The following SYNPR variants were observed in gnomAD, a reference collection of about 807,000 sequenced individuals.
SYNPR encodes the protein synaptoporin.
A neutral mutation model predicts 32.9 loss-of-function variants in SYNPR; 23 were observed. That is an observed-to-expected ratio of 0.70 (90% CI 0.50 to 0.99). The LOEUF is 0.99. Among genes scored for constraint, SYNPR ranks in the 50% least tolerant of loss-of-function variants. The pLI, the probability that SYNPR is intolerant of heterozygous loss-of-function variation, is 0.00. For missense variants in SYNPR, 318 were observed against 349.3 expected, an observed-to-expected ratio of 0.91 and a Z score of 0.71; for synonymous variants, 146 against 135.9, an observed-to-expected ratio of 1.07 and a Z score of -0.52.
chr3:63,324,136 C>CA (rs1277476918), intron 2 of SYNPR, among the ~76,000 whole-genome samples: 1 of 152,064 alleles, frequency 6.6e-6, no homozygotes, highest in Non-Finnish European at 1.5e-5. Flanking sequence ...ATTTTCAGTG[C>CA]AAAGGTACTA....
chr3:63,334,839 G>A (rs558623624), intron 2 of SYNPR, among the ~76,000 whole-genome samples: 1 of 152,068 alleles, frequency 6.6e-6, no homozygotes, highest in South Asian at 2.1e-4. Context: ...TTTCAATAGC[G>A]AAAACTGCAA....
chr3:63,265,137 T>C (rs72878285), intron 2 of SYNPR, among the ~76,000 whole-genome samples: 11,927 of 152,060 alleles, frequency 0.078, 1,341 homozygotes, highest in African/African-American at 0.25. Flanking sequence ...TTGAACACAT[T>C]TCTTCCAAGA....
chr3:63,431,456 T>C lies in SYNPR; in HGVS notation c.85-49376T>C, dbSNP rs142144351. Among the ~76,000 whole-genome samples, 1,447 of 152,292 alleles carry C rather than the reference T, an allele frequency of 9.5e-3. 23 individuals carry two copies. The highest frequency in any genetic ancestry group is 0.033 in the African/African-American group (1,370 of 41,550). ...TTATCACCTCTCACTTGCAAAATAT[T>C]GGGTTAAGAGAACAGACAAACATGA... On this transcript the variant is annotated intron_variant, in intron 2 of 5. Transcript: ENST00000478300.
chr3:63,565,462 T>G (rs985497315), intron 4 of SYNPR, among the ~76,000 whole-genome samples: 2 of 152,166 alleles, frequency 1.3e-5, no homozygotes, highest in Admixed American at 1.3e-4. Flanking sequence ...TACTGCGTCC[T>G]CACGTGGTAG....
chr3:63,231,121 A>G (rs1370486330), intron 1 of SYNPR, among the ~76,000 whole-genome samples: 1 of 152,234 alleles, frequency 6.6e-6, no homozygotes, highest in Non-Finnish European at 1.5e-5. Context: ...CAACAAGTGG[A>G]TAAAGGAAAT....
At chr3:63,362,884 G>T (rs187799053) in intron 2 of SYNPR, among the ~76,000 whole-genome samples, 23 of 152,122 alleles carry the variant, frequency 1.5e-4, no homozygotes, top group Middle Eastern at 3.4e-3. Context: ...TCTTTTACTA[G>T]ACATATAATA....
At chr3:63,457,332 A>C (rs72885455) in intron 2 of SYNPR, among the ~76,000 whole-genome samples, 4,293 of 152,194 alleles carry the variant, frequency 0.028, 164 homozygotes, top group East Asian at 0.13. Flanking sequence ...TATTGAATTT[A>C]GATTTCCACT....
At chr3:63,501,072 A>T (rs1250594730) in intron 3 of SYNPR, among the ~76,000 whole-genome samples, 4 of 152,130 alleles carry the variant, frequency 2.6e-5, no homozygotes, top group African/African-American at 9.7e-5. Context: ...GTAAAAAAAA[A>T]TAGCCATTAT....
intron 3 of SYNPR, among the ~76,000 whole-genome samples, chr3:63,507,533 A>T (rs1249101194): frequency 1.3e-5 from 2 of 152,176 alleles, no homozygotes; most frequent in Non-Finnish European, 2.9e-5. Flanking sequence ...GAAATTAGGG[A>T]CTGTCACAGA....
At chr3:63,535,703 G>T (rs889166962) in intron 3 of SYNPR, among the ~76,000 whole-genome samples, 7 of 150,726 alleles carry the variant, frequency 4.6e-5, no homozygotes, top group African/African-American at 1.5e-4. Flanking sequence ...TTCAACAAAA[G>T]GTGCTGAGAC....
At chr3:63,571,034 C>T (rs1702876710) in intron 4 of SYNPR, among the ~76,000 whole-genome samples, 1 of 152,170 alleles carries the variant, frequency 6.6e-6, no homozygotes, top group Non-Finnish European at 1.5e-5. Context: ...TGGAGGTACC[C>T]ATCATGACTG....
At chr3:63,250,953 T>C (rs2086326417) in intron 1 of SYNPR, among the ~76,000 whole-genome samples, 1 of 152,102 alleles carries the variant, frequency 6.6e-6, no homozygotes, top group Non-Finnish European at 1.5e-5. Flanking sequence ...TGATAAAGAC[T>C]TAAAAGTAAA....
intron 1 of SYNPR, among the ~76,000 whole-genome samples, chr3:63,251,367 A>G (rs1459392522): frequency 2.0e-5 from 3 of 152,166 alleles, no homozygotes; most frequent in Non-Finnish European, 2.9e-5. Flanking sequence ...GTTAGAAGGA[A>G]AGCATATATG....
chr3:63,314,497 G>A (rs1280535488), intron 2 of SYNPR, among the ~76,000 whole-genome samples: 1 of 151,690 alleles, frequency 6.6e-6, no homozygotes, highest in African/African-American at 2.4e-5. Flanking sequence ...TCATATGTGT[G>A]TTGGTTTGTT....
intron 2 of SYNPR, among the ~76,000 whole-genome samples, chr3:63,297,822 G>A (rs968450134): frequency 2.8e-4 from 43 of 152,098 alleles, no homozygotes; most frequent in Non-Finnish European, 2.1e-4. Context: ...GTGTCTGGCT[G>A]GGGGCCACAG....
intron 3 of SYNPR, among the ~76,000 whole-genome samples, chr3:63,538,343 G>A (rs1056720937): frequency 5.3e-5 from 8 of 151,742 alleles, no homozygotes; most frequent in Middle Eastern, 3.4e-3. Context: ...GTGAGAATAC[G>A]TTTTGTGAAT....
intron 2 of SYNPR, among the ~76,000 whole-genome samples, chr3:63,369,872 G>A (rs1291311856): frequency 6.6e-6 from 1 of 152,126 alleles, no homozygotes; most frequent in African/African-American, 2.4e-5. Flanking sequence ...AGGTTGATTT[G>A]AGTTCATGAA....
chr3:63,211,813 C>A, the SYNPR span, among the ~76,000 whole-genome samples: 1 of 117,826 alleles, frequency 8.5e-6, no homozygotes, highest in Non-Finnish European at 1.8e-5. Context: ...CACCCACTAA[C>A]GCATCATCTA....
intron 2 of SYNPR, among the ~76,000 whole-genome samples, chr3:63,382,055 C>A (rs1316687219): frequency 6.6e-6 from 1 of 152,304 alleles, no homozygotes; most frequent in East Asian, 1.9e-4. Flanking sequence ...AATACACTTA[C>A]AACTACATCA....
Sources: gnomAD v4.1 joint callset for allele counts (sites outside exome capture counted in the v4.1 genomes callset) on GRCh38, gnomAD v4.1.1 for gene constraint, MANE v1.5 for transcripts, NCBI Gene and HGNC (gene_info 2026-07-23, HGNC 2026-07-21) for gene names.